ZFHX3: variants seen among roughly 807,000 people sequenced by gnomAD.
The protein encoded by ZFHX3 is zinc finger homeobox protein 3.
A neutral mutation model predicts 279.1 loss-of-function variants in ZFHX3; 42 were observed. That is an observed-to-expected ratio of 0.15 (90% CI 0.12 to 0.19). The LOEUF is 0.19. Ranked by LOEUF, ZFHX3 falls within the 10% of genes least tolerant of loss-of-function variation. The probability of loss-of-function intolerance (pLI) is 1.00; values close to 1 mark genes in which losing one functional copy is unlikely to be tolerated. For synonymous variants in ZFHX3, 2,293 were observed against 1,957.8 expected (o/e 1.17, Z -4.52); for missense variants, 4,981 against 4,754.0 (o/e 1.05, Z -1.40).
At chr16:73,038,562 A>G (rs1225338877) in intron 1 of ZFHX3, among the ~76,000 whole-genome samples, 1 of 152,232 alleles carries the variant, frequency 6.6e-6, no homozygotes, top group East Asian at 1.9e-4. Context: ...AGACCAGAAC[A>G]TCATGGTGAA....
At chr16:72,882,977 GGTGTGTGTGTGTGT>G (rs56328056) in intron 4 of ZFHX3, among the ~76,000 whole-genome samples, 2,451 of 65,326 alleles carry the variant, frequency 0.038, 73 homozygotes, top group Middle Eastern at 0.051. Context: ...ACCACTCTGG[GGTGTGTGTGTGTGT>G]GTGTGTGTGT....
At chr16:72,943,189 C>T (rs1309050631) in intron 3 of ZFHX3, among the ~76,000 whole-genome samples, 10 of 152,126 alleles carry the variant, frequency 6.6e-5, no homozygotes. Context: ...ATAAAGAGTC[C>T]TAAATCACAC....
Position 73,324,188 on chromosome 16 carries a change from A to G in ZFHX3, c.-1290-5852T>C, listed in dbSNP as rs544879461. 5.9e-5 allele frequency among the ~76,000 whole-genome samples: 9 copies of G among 152,350 alleles called. No individual in the cohort carries two copies. The South Asian group carries it at 8.3e-4, about 14-fold the overall frequency. On this transcript the variant is annotated intron_variant, in intron 3 of 17. Transcript: ENST00000641206. Reference sequence around the variant, plus strand: ...ATTCACAGTTGCAACTGAGTCAGATAGGAGGCTTGCTGAAATTCACCTGGG... The same window carrying G: ...ATTCACAGTTGCAACTGAGTCAGATGGGAGGCTTGCTGAAATTCACCTGGG...
At chr16:73,680,508 A>C (rs1357909864) in intron 1 of ZFHX3, among the ~76,000 whole-genome samples, 1 of 152,240 alleles carries the variant, frequency 6.6e-6, no homozygotes, top group East Asian at 1.9e-4. Flanking sequence ...AGAAGATGGC[A>C]ATGGAAAACC....
intron 2 of ZFHX3, among the ~76,000 whole-genome samples, chr16:73,480,603 G>C (rs1380270610): frequency 1.3e-5 from 2 of 152,188 alleles, no homozygotes; most frequent in African/African-American, 4.8e-5. Context: ...AGTGCTGTTG[G>C]CTTTGCAATT....
chr16:73,135,790 C>A (rs1243524528), intron 6 of ZFHX3, among the ~76,000 whole-genome samples: 1 of 152,046 alleles, frequency 6.6e-6, no homozygotes, highest in Non-Finnish European at 1.5e-5. Flanking sequence ...GCCTTTTAGG[C>A]TGGGCATGGT....
intron 3 of ZFHX3, among the ~76,000 whole-genome samples, chr16:73,391,155 G>A (rs1319544989): frequency 6.6e-6 from 1 of 152,188 alleles, no homozygotes; most frequent in East Asian, 1.9e-4. Context: ...CCCAGCTTGT[G>A]CAGTGACTGT....
chr16:73,408,265 G>A (rs538507067), intron 3 of ZFHX3, among the ~76,000 whole-genome samples: 25 of 152,262 alleles, frequency 1.6e-4, no homozygotes, highest in African/African-American at 4.1e-4. Context: ...AAAAATAGAC[G>A]TGTGGATGAA....
At chr16:73,710,509 T>A (rs2142226026) in intron 1 of ZFHX3, among the ~76,000 whole-genome samples, 1 of 152,226 alleles carries the variant, frequency 6.6e-6, no homozygotes, top group Non-Finnish European at 1.5e-5. Context: ...CACACAGAAG[T>A]CGGGGAGAGG....
intron 1 of ZFHX3, among the ~76,000 whole-genome samples, chr16:72,983,267 C>T (rs1359002195): frequency 2.6e-5 from 4 of 152,086 alleles, no homozygotes; most frequent in South Asian, 2.1e-4. Context: ...AGCATTAATG[C>T]GGAAAACAAA....
At chr16:73,184,263 C>T (rs1007984715) in intron 5 of ZFHX3, among the ~76,000 whole-genome samples, 1 of 152,202 alleles carries the variant, frequency 6.6e-6, no homozygotes, top group Non-Finnish European at 1.5e-5. Flanking sequence ...CAGGGGCCCA[C>T]ACCTCTACTT....
chr16:73,281,508 C>A (rs1025792115), intron 4 of ZFHX3, among the ~76,000 whole-genome samples: 3 of 152,168 alleles, frequency 2.0e-5, no homozygotes, highest in Admixed American at 6.5e-5. Context: ...AGAGTTGCAG[C>A]CTAGTGCCTA....
At chr16:73,223,260 CAT>C (rs1264462026) in intron 5 of ZFHX3, among the ~76,000 whole-genome samples, 1 of 152,054 alleles carries the variant, frequency 6.6e-6, no homozygotes, top group East Asian at 1.9e-4. Flanking sequence ...GTGCCAAAGA[CAT>C]AGTCAAGAGA....
chr16:73,652,398 A>G (rs1484289546), intron 2 of ZFHX3, among the ~76,000 whole-genome samples: 1 of 152,264 alleles, frequency 6.6e-6, no homozygotes, highest in African/African-American at 2.4e-5. Context: ...AAACAGTAAT[A>G]GAGGAAATAA....
chr16:73,339,237 A>C (rs1385080351), intron 3 of ZFHX3, among the ~76,000 whole-genome samples: 1 of 152,086 alleles, frequency 6.6e-6, no homozygotes, highest in Non-Finnish European at 1.5e-5. Flanking sequence ...CTGCCCTCCC[A>C]AAGCACTGTG....
intron 2 of ZFHX3, among the ~76,000 whole-genome samples, chr16:73,546,741 T>C (rs902050395): frequency 1.4e-5 from 2 of 146,162 alleles, no homozygotes; most frequent in Admixed American, 1.3e-4. Flanking sequence ...CTGCTGTTGC[T>C]TCTTTTTCGG....
intron 1 of ZFHX3, among the ~76,000 whole-genome samples, chr16:73,745,747 G>A (rs1019476396): frequency 3.9e-5 from 6 of 152,106 alleles, no homozygotes; most frequent in Admixed American, 1.3e-4. Flanking sequence ...TTGTCTTCCT[G>A]CCAACTCTGA....
intron 4 of ZFHX3, among the ~76,000 whole-genome samples, chr16:73,302,013 C>A (rs367683446): frequency 6.6e-6 from 1 of 151,922 alleles, no homozygotes; most frequent in Non-Finnish European, 1.5e-5. Context: ...CAGCCACACA[C>A]GGGGACACCC....
intron 1 of ZFHX3, among the ~76,000 whole-genome samples, chr16:73,010,600 A>G (rs986167024): frequency 2.0e-5 from 3 of 152,114 alleles, no homozygotes; most frequent in African/African-American, 4.8e-5. Context: ...ACCTCATCTC[A>G]GCCTCCTCCT....
Sources: gnomAD v4.1 joint callset for allele counts (sites outside exome capture counted in the v4.1 genomes callset) on GRCh38, gnomAD v4.1.1 for gene constraint, MANE v1.5 for transcripts, NCBI Gene and HGNC (gene_info 2026-07-23, HGNC 2026-07-21) for gene names.